CDH12: variants seen among roughly 807,000 people sequenced by gnomAD.
CDH12 encodes the protein cadherin-12.
Under a neutral mutation model 74.1 loss-of-function variants are expected in CDH12, and 41 were observed. The observed-to-expected ratio is 0.55, with a 90% CI of 0.43 to 0.72. The LOEUF (loss-of-function observed/expected upper bound fraction) is 0.72. Ranked by LOEUF, CDH12 falls within the 30% of genes least tolerant of loss-of-function variation. CDH12 has a pLI of 0.00. For missense variants in CDH12, 945 were observed against 977.2 expected, an observed-to-expected ratio of 0.97 and a Z score of 0.44; for synonymous variants, 399 against 355.0, an observed-to-expected ratio of 1.12 and a Z score of -1.39.
At chr5:22,611,352 C>G (rs1737389949) in intron 1 of CDH12, among the ~76,000 whole-genome samples, 1 of 152,172 alleles carries the variant, frequency 6.6e-6, no homozygotes, top group Non-Finnish European at 1.5e-5. Flanking sequence ...TTCTGTTTTG[C>G]TCCCCATATT....
intron 10 of CDH12, among the ~76,000 whole-genome samples, chr5:21,784,982 A>C (rs1746121637): frequency 6.6e-6 from 1 of 152,116 alleles, no homozygotes; most frequent in South Asian, 2.1e-4. Flanking sequence ...GTTTGTTGCA[A>C]CCCTGTGTCA....
intron 2 of CDH12, among the ~76,000 whole-genome samples, chr5:22,430,238 T>C (rs116068648): frequency 0.025 from 3,762 of 152,182 alleles, 138 homozygotes; most frequent in African/African-American, 0.086. Context: ...TTCAAATTAG[T>C]AGTGCTTTCC....
chr5:22,155,001 C>G (rs919919517), intron 4 of CDH12, among the ~76,000 whole-genome samples: 11 of 152,080 alleles, frequency 7.2e-5, no homozygotes, highest in Admixed American at 6.6e-5. Flanking sequence ...GTCCCTCTTG[C>G]CTCACTATCA....
intron 5 of CDH12, among the ~76,000 whole-genome samples, chr5:22,049,173 T>C (rs1246355648): frequency 1.3e-5 from 2 of 152,150 alleles, no homozygotes; most frequent in African/African-American, 4.8e-5. Context: ...GATACATACA[T>C]ATGCTGGTGT....
chr5:22,774,009 G>A (rs1746956866), intron 1 of CDH12, among the ~76,000 whole-genome samples: 2 of 152,180 alleles, frequency 1.3e-5, no homozygotes, highest in Middle Eastern at 3.4e-3. Flanking sequence ...AGGCTGTGGA[G>A]GGAAAGGAAC....
chr5:22,032,049 C>G (rs1357142065), intron 5 of CDH12, among the ~76,000 whole-genome samples: 1 of 151,450 alleles, frequency 6.6e-6, no homozygotes, highest in Admixed American at 6.6e-5. Context: ...ATCTGCAAAG[C>G]TCAATAAAGT....
At chr5:22,421,649 C>T (rs950275208) in intron 2 of CDH12, among the ~76,000 whole-genome samples, 1 of 152,074 alleles carries the variant, frequency 6.6e-6, no homozygotes, top group African/African-American at 2.4e-5. Flanking sequence ...AATAAACATA[C>T]GTGTACATGT....
intron 10 of CDH12, among the ~76,000 whole-genome samples, chr5:21,786,173 A>T (rs1746187651): frequency 1.3e-5 from 2 of 152,158 alleles, no homozygotes; most frequent in Admixed American, 6.5e-5. Flanking sequence ...TCTTTTTTAA[A>T]GACAGACTCT....
chr5:22,310,939 T>A (rs1738362599), intron 3 of CDH12, among the ~76,000 whole-genome samples: 1 of 152,224 alleles, frequency 6.6e-6, no homozygotes, highest in Non-Finnish European at 1.5e-5. Flanking sequence ...CCTTGGCAAC[T>A]CAGGCAGTAT....
intron 2 of CDH12, among the ~76,000 whole-genome samples, chr5:22,427,428 A>G (rs1286211661): frequency 6.6e-6 from 1 of 152,052 alleles, no homozygotes; most frequent in Non-Finnish European, 1.5e-5. Context: ...AGCCTCCCAA[A>G]TTGCTGGGAT....
At chr5:22,307,226 G>A (rs1738152193) in intron 3 of CDH12, among the ~76,000 whole-genome samples, 1 of 152,136 alleles carries the variant, frequency 6.6e-6, no homozygotes, top group African/African-American at 2.4e-5. Context: ...GAATTCCAAT[G>A]GCCATACAGA....
At chr5:22,660,115 A>G (rs965414589) in intron 1 of CDH12, among the ~76,000 whole-genome samples, 2 of 152,214 alleles carry the variant, frequency 1.3e-5, no homozygotes, top group Admixed American at 1.3e-4. Flanking sequence ...TTTTGAAAGC[A>G]TTGAAAAGCA....
At chr5:22,533,029 G>A (rs1359893585) in intron 1 of CDH12, among the ~76,000 whole-genome samples, 1 of 152,008 alleles carries the variant, frequency 6.6e-6, no homozygotes, top group Admixed American at 6.6e-5. Flanking sequence ...TGAAAATTTT[G>A]TTGCTACTAA....
At chr5:22,159,633 C>A (rs1353086537) in intron 4 of CDH12, among the ~76,000 whole-genome samples, 1 of 152,144 alleles carries the variant, frequency 6.6e-6, no homozygotes, top group African/African-American at 2.4e-5. Context: ...GTCTGCATTG[C>A]ACATATTTAA....
chr5:22,712,792 C>T (rs986302354), intron 1 of CDH12, among the ~76,000 whole-genome samples: 4 of 152,040 alleles, frequency 2.6e-5, no homozygotes, highest in Non-Finnish European at 5.9e-5. Flanking sequence ...AGGATGTGTA[C>T]AAAAGAAGCT....
intron 4 of CDH12, among the ~76,000 whole-genome samples, chr5:22,206,272 A>G (rs1751211847): frequency 6.6e-6 from 1 of 152,168 alleles, no homozygotes; most frequent in South Asian, 2.1e-4. Context: ...ATCTTGAGCC[A>G]CACTCTAAAA....
intron 3 of CDH12, among the ~76,000 whole-genome samples, chr5:22,247,258 A>G (rs13176103): frequency 0.42 from 63,107 of 152,026 alleles, 14,171 homozygotes; most frequent in Admixed American, 0.53. Context: ...ATACACAGTT[A>G]CTTCCCCTTC....
chr5:22,020,451 G>A (rs1458800275), intron 5 of CDH12, among the ~76,000 whole-genome samples: 1 of 151,996 alleles, frequency 6.6e-6, no homozygotes, highest in Non-Finnish European at 1.5e-5. Context: ...CTACTCGGGG[G>A]GCTGAGGCAG....
At chr5:21,886,140 C>A (rs1385308511) in intron 6 of CDH12, among the ~76,000 whole-genome samples, 5 of 152,102 alleles carry the variant, frequency 3.3e-5, no homozygotes, top group African/African-American at 1.2e-4. Context: ...AAGTCTAATG[C>A]CACTTTGATT....
Sources: gnomAD v4.1 joint callset for allele counts (sites outside exome capture counted in the v4.1 genomes callset) on GRCh38, gnomAD v4.1.1 for gene constraint, MANE v1.5 for transcripts, NCBI Gene and HGNC (gene_info 2026-07-23, HGNC 2026-07-21) for gene names.